EYS: variants seen among roughly 807,000 people sequenced by gnomAD.
EYS encodes EGF-like photoreceptor maintenance factor.
Under a neutral mutation model 282.1 loss-of-function variants are expected in EYS, and 250 were observed. The ratio of observed to expected loss-of-function variants is 0.89; its 90% CI spans 0.80 to 0.98. The LOEUF is 0.98. Ranked by LOEUF, EYS falls within the 50% of genes least tolerant of loss-of-function variation. The probability of loss-of-function intolerance (pLI) is 0.00; values close to 1 mark genes in which losing one functional copy is unlikely to be tolerated. For synonymous variants in EYS, 1,355 were observed against 1,282.9 expected, an observed-to-expected ratio of 1.06 and a Z score of -1.20; for missense variants, 4,016 against 3,709.0, an observed-to-expected ratio of 1.08 and a Z score of -2.15.
chr6:64,151,353 AT>A (rs1774721495), intron 31 of EYS, among the ~76,000 whole-genome samples: 2 of 100,054 alleles, frequency 2.0e-5, no homozygotes, highest in South Asian at 2.7e-4. Context: ...ATATATATAT[AT>A]ATATATATAA....
intron 12 of EYS, among the ~76,000 whole-genome samples, chr6:65,222,531 T>G (rs1457551248): frequency 6.6e-6 from 1 of 152,214 alleles, no homozygotes; most frequent in African/African-American, 2.4e-5. Context: ...CTTTCCTTTA[T>G]AAATTACTCA....
chr6:65,305,285 C>A (rs1483238623), intron 11 of EYS, among the ~76,000 whole-genome samples: 1 of 152,150 alleles, frequency 6.6e-6, no homozygotes, highest in African/African-American at 2.4e-5. Flanking sequence ...AGGTGTTTGT[C>A]AGTTTTGGCT....
chr6:65,140,225 A>G (rs983318479), intron 12 of EYS, among the ~76,000 whole-genome samples: 1 of 152,118 alleles, frequency 6.6e-6, no homozygotes, highest in Non-Finnish European at 1.5e-5. Flanking sequence ...AAATAAAAAC[A>G]TAAGTAAAAT....
chr6:65,635,779 G>GT (rs1767063184), intron 2 of EYS, among the ~76,000 whole-genome samples: 1 of 152,262 alleles, frequency 6.6e-6, no homozygotes, highest in East Asian at 1.9e-4. Flanking sequence ...ATTTGTTCAG[G>GT]TTTTTTGCCT....
At chr6:65,572,356 C>G (rs1288851488) in intron 2 of EYS, among the ~76,000 whole-genome samples, 1 of 151,964 alleles carries the variant, frequency 6.6e-6, no homozygotes, top group Non-Finnish European at 1.5e-5. Flanking sequence ...GATAGAGAAA[C>G]AGTTCTTTAA....
chr6:65,123,502 G>A (rs1775625641), intron 12 of EYS, among the ~76,000 whole-genome samples: 1 of 152,028 alleles, frequency 6.6e-6, no homozygotes, highest in African/African-American at 2.4e-5. Context: ...AGAAATAAAA[G>A]GTCCTTTGAA....
intron 14 of EYS, among the ~76,000 whole-genome samples, chr6:64,983,884 T>C (rs924037004): frequency 6.6e-6 from 1 of 151,322 alleles, no homozygotes; most frequent in Non-Finnish European, 1.5e-5. Flanking sequence ...CAAGTTTACA[T>C]GACTTTGTAG....
At chr6:64,338,240 C>A (rs1361774593) in intron 29 of EYS, among the ~76,000 whole-genome samples, 3 of 151,960 alleles carry the variant, frequency 2.0e-5, no homozygotes, top group Non-Finnish European at 4.4e-5. Flanking sequence ...CCTAAAGACT[C>A]CTCCAGAAAG....
At chr6:64,369,377 T>C (rs1168944787) in intron 29 of EYS, among the ~76,000 whole-genome samples, 1 of 152,198 alleles carries the variant, frequency 6.6e-6, no homozygotes, top group East Asian at 1.9e-4. Context: ...TGGCTTAGCA[T>C]TGCCTTGGCT....
rs959021829 is a variant in EYS at position 64,686,835 on chromosome 6, A to G, written c.3444-60590T>C. On this transcript the variant is annotated intron_variant, in intron 22 of 42. Coordinates refer to ENST00000503581, the MANE Select transcript of EYS (RefSeq NM_001142800.2). ...TATATATATATGTGTATATATATAT[A>G]TACGTGTATATATATATATGTGTAT... Among the ~76,000 whole-genome samples the G allele has an allele frequency of 4.3e-3, 79 of 18,222 alleles. 9 individuals are homozygous for G. The highest frequency in any genetic ancestry group is 9.4e-3 in the African/African-American group (61 of 6,510). 12.0% of individuals were successfully genotyped at this position (18,222 alleles called of 152,430 possible).
chr6:63,882,763 C>T (rs576759940), intron 35 of EYS, among the ~76,000 whole-genome samples: 6 of 151,930 alleles, frequency 3.9e-5, no homozygotes, highest in South Asian at 2.1e-4. Flanking sequence ...ATAATTAATC[C>T]GAAACATAAA....
At chr6:63,760,534 T>A (rs987589292) in intron 41 of EYS, among the ~76,000 whole-genome samples, 15 of 152,070 alleles carry the variant, frequency 9.9e-5, no homozygotes, top group African/African-American at 3.4e-4. Context: ...TAGAATTCTA[T>A]GTGGATGTCA....
At chr6:64,531,452 T>A (rs924196487) in intron 26 of EYS, among the ~76,000 whole-genome samples, 35 of 151,270 alleles carry the variant, frequency 2.3e-4, no homozygotes, top group African/African-American at 8.0e-4. Context: ...AGTGGCGTGA[T>A]CTCGGCTCAC....
intron 31 of EYS, among the ~76,000 whole-genome samples, chr6:64,092,665 A>G (rs1190218798): frequency 1.3e-5 from 2 of 152,032 alleles, no homozygotes; most frequent in Non-Finnish European, 2.9e-5. Flanking sequence ...CCTTTGTCAG[A>G]TGAGTAGATT....
At chr6:63,747,592 C>A (rs1769241492) in intron 41 of EYS, among the ~76,000 whole-genome samples, 1 of 152,042 alleles carries the variant, frequency 6.6e-6, no homozygotes, top group East Asian at 1.9e-4. Context: ...AGTCTCTTTG[C>A]AGGGCTCTAA....
Position 64,563,519 on chromosome 6 carries a change from A to G in EYS, c.5644+26704T>C, listed in dbSNP as rs1244772958. Among the ~76,000 whole-genome samples, 4 of 152,110 alleles carry G rather than the reference A, an allele frequency of 2.6e-5. No individual in the cohort carries two copies. The East Asian group carries it at 7.7e-4, about 29-fold the overall frequency. ...AATCTTATTACTATAATTGATGCAC[A>G]GAGGGTACTCATTATGTCTACTAAA... is the stretch of plus-strand genomic sequence containing the variant. On this transcript the variant is annotated intron_variant, in intron 26 of 42. Coordinates refer to ENST00000503581, the MANE Select transcript of EYS (RefSeq NM_001142800.2).
At chr6:65,529,804 T>C (rs530547565) in intron 2 of EYS, among the ~76,000 whole-genome samples, 11 of 152,264 alleles carry the variant, frequency 7.2e-5, no homozygotes, top group African/African-American at 2.6e-4. Context: ...GAGAGCTCCC[T>C]TGCTCTTTCC....
At chr6:64,369,284 AT>A in intron 29 of EYS, among the ~76,000 whole-genome samples, 1 of 151,932 alleles carries the variant, frequency 6.6e-6, no homozygotes, top group African/African-American at 2.4e-5. Context: ...CTATGTGTCT[AT>A]TTTTATACCA....
chr6:63,760,353 A>G (rs530275098), intron 41 of EYS, among the ~76,000 whole-genome samples: 1 of 152,210 alleles, frequency 6.6e-6, no homozygotes, highest in South Asian at 2.1e-4. Context: ...ATGAGCAAAT[A>G]AGCAAGACTT....
Sources: allele counts gnomAD v4.1 joint callset (sites outside exome capture counted in the v4.1 genomes callset), GRCh38; gene constraint gnomAD v4.1.1; transcripts MANE v1.5; gene names NCBI Gene and HGNC (gene_info 2026-07-23, HGNC 2026-07-21).